The following NRIP1 variants were observed in gnomAD, a reference collection of about 807,000 sequenced individuals.
The protein encoded by NRIP1 is nuclear receptor interacting protein 1.
A neutral mutation model predicts 75.0 loss-of-function variants in NRIP1; 28 were observed. The ratio of observed to expected loss-of-function variants is 0.37; its 90% CI spans 0.28 to 0.51. NRIP1 has a LOEUF of 0.51. Among genes scored for constraint, NRIP1 ranks in the 20% least tolerant of loss-of-function variants. The pLI, the probability that NRIP1 is intolerant of heterozygous loss-of-function variation, is 0.92. For synonymous variants in NRIP1, 526 were observed against 487.6 expected (o/e 1.08, Z -1.04); for missense variants, 1,435 against 1,343.7 (o/e 1.07, Z -1.06).
At chr21:15,005,362 C>CG (rs386394289) in intron 3 of NRIP1, among the ~76,000 whole-genome samples, 2 of 79,182 alleles carry the variant, frequency 2.5e-5, no homozygotes, top group African/African-American at 4.4e-4. Flanking sequence ...ATTCACAGAG[C>CG]CCCCCAAAGA....
intron 3 of NRIP1, chr21:14,974,110 A>G (rs1373833254): frequency 1.3e-5 from 2 of 152,222 alleles, no homozygotes; most frequent in Non-Finnish European, 2.9e-5. Context: ...TTACACAATA[A>G]GAATAAAGAA....
At chr21:15,004,255 C>G (rs535618852) in intron 3 of NRIP1, among the ~76,000 whole-genome samples, 5 of 152,284 alleles carry the variant, frequency 3.3e-5, no homozygotes, top group Non-Finnish European at 7.4e-5. Flanking sequence ...AAATATTGTA[C>G]TTGTCCTGAT....
In NRIP1 at chr21:14,994,188, G is replaced by A. The variant is rs573336295; in HGVS notation, c.-335+20156C>T. Among the ~76,000 whole-genome samples the A allele has an allele frequency of 1.5e-3, 221 of 152,194 alleles. 1 individual carries two copies. Among genetic ancestry groups the A allele is most frequent in the Non-Finnish European group, 2.0e-3 (136 of 68,010 alleles). On this transcript the variant is annotated intron_variant, in intron 3 of 3. Coordinates refer to ENST00000318948, the MANE Select transcript of NRIP1 (RefSeq NM_003489.4). ...CGCCCAGGCTGGAGTGCAGTGGTAC[G>A]ATCTCAGCTCACTGCAACCTCCGCC...
At position 14,965,036 on chromosome 21, in the gene NRIP1, C is replaced by T; in HGVS notation, c.3157G>A (p.Glu1053Lys). The change falls in exon 4 of 4, where the codon GAG becomes AAG. Residue 1053 changes from glutamate to lysine, a missense_variant. Physicochemically the swap from Glu to Lys is moderately conservative, Grantham distance 56 (BLOSUM62 1). Coordinates refer to ENST00000318948, the MANE Select transcript of NRIP1 (RefSeq NM_003489.4). ...AATCTTGGAGAGTCTTTTTCATACT[C>T]ATTCTTCTCCGCATCAGTGATAACC... Reference protein sequence around the residue: ...KWVITDAEKNEYEKDSPRLTK... With the variant: ...KWVITDAEKNKYEKDSPRLTK... 6.2e-7 allele frequency: 1 copy of T among 1,613,920 alleles called. No homozygotes were observed. The highest frequency in any genetic ancestry group is 8.5e-7 in the Non-Finnish European group (1 of 1,179,926).
At chr21:14,987,049 T>C (rs529831370) in intron 3 of NRIP1, among the ~76,000 whole-genome samples, 3 of 152,230 alleles carry the variant, frequency 2.0e-5, no homozygotes, top group African/African-American at 7.2e-5. Context: ...ATTTGCTATC[T>C]CTGGATATCT....
chr21:15,058,050 T>A (rs2089343818), intron 1 of NRIP1, among the ~76,000 whole-genome samples: 1 of 152,204 alleles, frequency 6.6e-6, no homozygotes, highest in Non-Finnish European at 1.5e-5. Flanking sequence ...CTGTTTACTG[T>A]CAACAACGGC....
chr21:15,030,989 GTGTT>G (rs2088658055), intron 2 of NRIP1, among the ~76,000 whole-genome samples: 2 of 141,928 alleles, frequency 1.4e-5, no homozygotes, highest in African/African-American at 2.5e-5. Flanking sequence ...ACTCTGGAAG[GTGTT>G]CAGAGGTTCA....
intron 2 of NRIP1, among the ~76,000 whole-genome samples, chr21:15,034,888 TTTTC>T (rs1250391203): frequency 3.9e-5 from 6 of 152,346 alleles, no homozygotes; most frequent in South Asian, 4.1e-4. Context: ...CAAAAACCTA[TTTTC>T]TTTGTTTTGA....
intron 1 of NRIP1, among the ~76,000 whole-genome samples, chr21:15,055,249 A>T (rs535853099): frequency 3.2e-4 from 48 of 152,324 alleles, no homozygotes; most frequent in South Asian, 1.9e-3. Flanking sequence ...GTGTTGGAAT[A>T]CTACTCATCA....
chr21:15,056,435 G>A (rs1428216818), intron 1 of NRIP1, among the ~76,000 whole-genome samples: 1 of 152,124 alleles, frequency 6.6e-6, no homozygotes, highest in Non-Finnish European at 1.5e-5. Flanking sequence ...AAAGGAATCA[G>A]ATGGTAAATT....
chr21:15,023,104 G>A (rs1346618871), intron 2 of NRIP1, among the ~76,000 whole-genome samples: 1 of 152,182 alleles, frequency 6.6e-6, no homozygotes, highest in Non-Finnish European at 1.5e-5. Context: ...CAGGTGTGGA[G>A]CTCCTTTTAA....
At position 14,967,677 on chromosome 21, in the gene NRIP1, C is replaced by T; in HGVS notation, c.516G>A (p.Glu172=). ...CAACACCATAGCACCTTAAATCCTT[C>T]TCCACTTTTAAAGAATCATGACTGA... ...YALSHDSLKV[E]KDLRCYGVAS... Residue 172 remains glutamate (E), a synonymous_variant, in exon 4 of 4, where the codon GAG becomes GAA. Transcript: ENST00000318948. The T allele has an allele frequency of 6.2e-7, 1 of 1,614,096 alleles. No homozygotes were observed. Among genetic ancestry groups the T allele is most frequent in the Non-Finnish European group, 8.5e-7 (1 of 1,180,016 alleles).
chr21:15,046,734 T>G (rs2089086799), intron 1 of NRIP1, among the ~76,000 whole-genome samples: 1 of 152,246 alleles, frequency 6.6e-6, no homozygotes, highest in Non-Finnish European at 1.5e-5. Context: ...TGCTGTTTAA[T>G]GTAGCCATCT....
At chr21:15,053,147 A>G (rs1215977499) in intron 1 of NRIP1, among the ~76,000 whole-genome samples, 1 of 152,224 alleles carries the variant, frequency 6.6e-6, no homozygotes, top group Non-Finnish European at 1.5e-5. Flanking sequence ...GATTTTGCAA[A>G]AGCAAGATCG....
At chr21:15,061,169 T>C (rs189370134) in intron 1 of NRIP1, among the ~76,000 whole-genome samples, 114 of 152,286 alleles carry the variant, frequency 7.5e-4, no homozygotes, top group Admixed American at 2.7e-3. Context: ...TTTTCAACAG[T>C]AGTCAAGATT....
intron 1 of NRIP1, among the ~76,000 whole-genome samples, chr21:15,064,203 G>C (rs1978619813): frequency 6.6e-6 from 1 of 152,238 alleles, no homozygotes; most frequent in African/African-American, 2.4e-5. Flanking sequence ...CCATCGGGAG[G>C]GGACCGCGAG....
intron 1 of NRIP1, among the ~76,000 whole-genome samples, chr21:15,049,965 G>A (rs1352643295): frequency 6.6e-6 from 1 of 152,026 alleles, no homozygotes; most frequent in Non-Finnish European, 1.5e-5. Flanking sequence ...TTTGTCCTTT[G>A]TAAATGAGAA....
intron 3 of NRIP1, among the ~76,000 whole-genome samples, chr21:14,997,754 AT>A (rs1400160173): frequency 6.7e-6 from 1 of 149,738 alleles, no homozygotes; most frequent in Non-Finnish European, 1.5e-5. Context: ...TATACAATTT[AT>A]ATATAATTTG....
At chr21:14,974,574 C>T (rs927968822) in intron 3 of NRIP1, among the ~76,000 whole-genome samples, 14 of 152,128 alleles carry the variant, frequency 9.2e-5, no homozygotes, top group Admixed American at 2.6e-4. Flanking sequence ...TGTCCACTTA[C>T]GAACAGTGTC....
Sources: gnomAD v4.1 joint callset for allele counts (sites outside exome capture counted in the v4.1 genomes callset) on GRCh38, gnomAD v4.1.1 for gene constraint, MANE v1.5 for transcripts, NCBI Gene and HGNC (gene_info 2026-07-23, HGNC 2026-07-21) for gene names.